Variants in SLC9C2 observed in about 807,000 individuals in gnomAD.
SLC9C2 encodes sodium/hydrogen exchanger 11.
SLC9C2 carries 75 observed loss-of-function variants against 140.2 expected under a neutral mutation model. The observed-to-expected ratio is 0.53, with a 90% CI of 0.44 to 0.65. The LOEUF (loss-of-function observed/expected upper bound fraction) is 0.65. Ranked by LOEUF, SLC9C2 falls within the 30% of genes least tolerant of loss-of-function variation. SLC9C2 has a pLI of 0.00. For synonymous variants in SLC9C2, 375 were observed against 420.9 expected (o/e 0.89, Z 1.34); for missense variants, 1,074 against 1,331.8 (o/e 0.81, Z 3.01).
At chr1:173,524,330 A>G (rs1315658303) in intron 20 of SLC9C2, among the ~76,000 whole-genome samples, 9 of 152,166 alleles carry the variant, frequency 5.9e-5, no homozygotes, top group Non-Finnish European at 1.3e-4. Flanking sequence ...TCATAATTCA[A>G]TTGACACAGT....
At chr1:173,545,282 G>A (rs904398429) in intron 13 of SLC9C2, among the ~76,000 whole-genome samples, 2 of 152,100 alleles carry the variant, frequency 1.3e-5, no homozygotes, top group African/African-American at 2.4e-5. Context: ...GTGCTAGATT[G>A]GACAAAAAGG....
chr1:173,561,939 T>C (rs1664147727), intron 9 of SLC9C2, among the ~76,000 whole-genome samples: 1 of 151,930 alleles, frequency 6.6e-6, no homozygotes, highest in African/African-American at 2.4e-5. Context: ...AGTCACTAGA[T>C]TGGAATGAAT....
intron 23 of SLC9C2, among the ~76,000 whole-genome samples, chr1:173,511,145 T>G (rs1236969271): frequency 2.7e-5 from 4 of 147,078 alleles, no homozygotes; most frequent in Non-Finnish European, 6.0e-5. Flanking sequence ...GCAATTCTCC[T>G]GCCTCAGCCA....
At chr1:173,576,568 T>C in intron 8 of SLC9C2, 93 bp downstream of exon 8, 1 of 710,082 alleles carries the variant, frequency 1.4e-6, no homozygotes, top group Admixed American at 3.2e-5. Flanking sequence ...AGAAAGGTTA[T>C]GGAAAAAGAG....
chr1:173,587,865 A>T, intron 4 of SLC9C2, 35 bp from the exon 5 acceptor site: 1 of 1,513,922 alleles, frequency 6.6e-7, no homozygotes. Context: ...ATTAGACTTA[A>T]CATCTAAAGA....
intron 23 of SLC9C2, among the ~76,000 whole-genome samples, chr1:173,517,124 T>G (rs1015125908): frequency 6.6e-6 from 1 of 152,220 alleles, no homozygotes; most frequent in Admixed American, 6.5e-5. Context: ...TTTTGAAAAG[T>G]ATCTGTTCAT....
At chr1:173,587,885 G>T in intron 4 of SLC9C2, 55 bp from the exon 5 acceptor site, 1 of 1,346,736 alleles carries the variant, frequency 7.4e-7, no homozygotes. Flanking sequence ...ATGGCATGAT[G>T]GCATTTACTT....
intron 3 of SLC9C2, among the ~76,000 whole-genome samples, chr1:173,599,563 G>GA (rs1332218609): frequency 6.6e-6 from 1 of 151,140 alleles, no homozygotes; most frequent in Non-Finnish European, 1.5e-5. Flanking sequence ...TTTTAGTAGA[G>GA]AAAGAGTTTC....
intron 14 of SLC9C2, 124 bp from the exon 15 acceptor site, chr1:173,536,073 C>T (rs1213668377): frequency 2.6e-6 from 2 of 756,174 alleles, no homozygotes; most frequent in African/African-American, 3.9e-5. Context: ...AGCTCAGTCT[C>T]ATGCCTCTGC....
At chr1:173,599,507 T>G (rs1361786474) in intron 3 of SLC9C2, among the ~76,000 whole-genome samples, 1 of 151,146 alleles carries the variant, frequency 6.6e-6, no homozygotes, top group African/African-American at 2.4e-5. Flanking sequence ...CCTGAGTAGC[T>G]GGGACTACAG....
intron 4 of SLC9C2, among the ~76,000 whole-genome samples, chr1:173,591,868 A>C (rs1558097216): frequency 6.6e-6 from 1 of 152,098 alleles, no homozygotes; most frequent in Non-Finnish European, 1.5e-5. Flanking sequence ...CCTTAAGTTT[A>C]ATTAAATCCT....
At chr1:173,587,622 C>A in intron 5 of SLC9C2, 43 bp downstream of exon 5, 3 of 1,495,798 alleles carry the variant, frequency 2.0e-6, no homozygotes, top group South Asian at 2.4e-5. Flanking sequence ...AATAATGTAC[C>A]CTTATATTTT....
chr1:173,556,256 G>A (rs906779128), intron 10 of SLC9C2, among the ~76,000 whole-genome samples: 1 of 152,236 alleles, frequency 6.6e-6, no homozygotes, highest in Non-Finnish European at 1.5e-5. Flanking sequence ...CAAGGTGCAC[G>A]GCCAGCAGAT....
chr1:173,533,560 G>T, intron 17 of SLC9C2, 49 bp downstream of exon 17: 1 of 1,419,052 alleles, frequency 7.0e-7, no homozygotes, highest in South Asian at 1.3e-5. Context: ...TTATAGGTGT[G>T]AGCTACCACT....
chr1:173,542,534 A>G lies in SLC9C2; in HGVS notation c.1557+5155T>C, dbSNP rs572999259. Among the ~76,000 whole-genome samples, 22 of 152,312 alleles carry G rather than the reference A, an allele frequency of 1.4e-4. No individual in the cohort carries two copies. In the South Asian group the frequency reaches 1.7e-3, roughly 11 times the overall value. ...TGAGGCCAGTGTCATCCTGATACCA[A>G]AGCCTGGCAGAGACACAACAAAAAA... On this transcript the variant is annotated intron_variant, in intron 13 of 27. Transcript: ENST00000367714.
rs1663007550 is a variant in SLC9C2, at chr1:173,548,396, T to C, written c.1454A>G (p.Tyr485Cys). ...TGCCAGGTATCAACTCACAGGAATGTATTCGATCCTCGTTTTATCTTCTAC... is the reference window on the plus strand; with the variant it reads ...TGCCAGGTATCAACTCACAGGAATGCATTCGATCCTCGTTTTATCTTCTAC... The part of the protein sequence containing the change: ...TLVEDKTRIE[Y>C]IPFSHVSHND... The change falls in exon 12 of 28, where the codon TAC becomes TGC. Residue 485 changes from tyrosine (Y) to cysteine (C), a missense_variant. Tyr to Cys is a radical substitution (Grantham distance 194). Transcript: ENST00000367714. 1 of 1,612,160 alleles carries C rather than the reference T, an allele frequency of 6.2e-7. No homozygotes were observed. Among genetic ancestry groups the C allele is most frequent in the Non-Finnish European group, 8.5e-7 (1 of 1,179,238 alleles).
chr1:173,566,948 C>A (rs932823765), intron 9 of SLC9C2, among the ~76,000 whole-genome samples: 1 of 151,998 alleles, frequency 6.6e-6, no homozygotes, highest in Non-Finnish European at 1.5e-5. Flanking sequence ...CACTTTCATT[C>A]AGGAGCATTT....
In SLC9C2 at chr1:173,506,879, T is replaced by C; in HGVS notation, c.3202A>G (p.Ile1068Val). The C allele has an allele frequency of 1.9e-6, 3 of 1,613,678 alleles. No individual in the cohort carries two copies. The highest frequency in any genetic ancestry group is 2.2e-5 in the South Asian group (2 of 90,956). ...KTEEPYFAPC[I>V]IPTTCEQVQG... The stretch of plus-strand genomic sequence containing the variant: ...ACCTGCTCACAGGTTGTAGGTATAA[T>C]GCAAGGTGCAAAATATGGTTCCTCT... Residue 1068 changes from isoleucine to valine, a missense_variant, in exon 25 of 28, where the codon ATT (isoleucine) becomes GTT (valine). By Grantham distance (29) the Ile-to-Val change is conservative (BLOSUM62 3). Coordinates refer to ENST00000367714, the MANE Select transcript of SLC9C2 (RefSeq NM_178527.4).
At chr1:173,598,228 C>T (rs1666553354) in intron 3 of SLC9C2, among the ~76,000 whole-genome samples, 196 bp from the exon 4 acceptor site, 1 of 152,154 alleles carries the variant, frequency 6.6e-6, no homozygotes, top group Non-Finnish European at 1.5e-5. Flanking sequence ...CCTATATAGA[C>T]CTCTATTCAC....
Sources: gnomAD v4.1 joint callset for allele counts (sites outside exome capture counted in the v4.1 genomes callset) on GRCh38, gnomAD v4.1.1 for gene constraint, MANE v1.5 for transcripts, NCBI Gene and HGNC (gene_info 2026-07-23, HGNC 2026-07-21) for gene names.